The following GREB1L variants were observed in gnomAD, a reference collection of about 807,000 sequenced individuals.
GREB1L encodes the protein GREB1-like protein.
GREB1L carries 17 observed loss-of-function variants against 200.8 expected under a neutral mutation model. The ratio of observed to expected loss-of-function variants is 0.08; its 90% CI spans 0.06 to 0.13. The LOEUF is 0.13. GREB1L is among the 10% of genes least tolerant of loss of function. GREB1L has a pLI of 1.00. For missense variants in GREB1L, 1,657 were observed against 2,367.7 expected (o/e 0.70, Z 6.23); for synonymous variants, 789 against 893.0 (o/e 0.88, Z 2.08).
intron 1 of GREB1L, among the ~76,000 whole-genome samples, chr18:21,336,626 G>A (rs1444917109): frequency 6.6e-6 from 1 of 152,142 alleles, no homozygotes; most frequent in East Asian, 1.9e-4. Context: ...CCCCTTATAT[G>A]GAGTCAGATT....
chr18:21,446,827 C>T (rs1439578038), intron 11 of GREB1L, among the ~76,000 whole-genome samples: 1 of 152,098 alleles, frequency 6.6e-6, no homozygotes, highest in Non-Finnish European at 1.5e-5. Flanking sequence ...AGAAGAAAAG[C>T]AAGATTCTTC....
intron 2 of GREB1L, among the ~76,000 whole-genome samples, chr18:21,376,054 T>C: frequency 6.6e-6 from 1 of 152,186 alleles, no homozygotes; most frequent in Non-Finnish European, 1.5e-5. Context: ...TAAAAAGTCT[T>C]TGAGAGTTAA....
intron 1 of GREB1L, among the ~76,000 whole-genome samples, chr18:21,358,944 C>A (rs1044423411): frequency 1.3e-5 from 2 of 152,210 alleles, no homozygotes; most frequent in Non-Finnish European, 2.9e-5. Flanking sequence ...TTAGTTCTAA[C>A]AATTGTTTGG....
chr18:21,272,745 A>G (rs1186068127), intron 1 of GREB1L, among the ~76,000 whole-genome samples: 1 of 152,228 alleles, frequency 6.6e-6, no homozygotes, highest in Non-Finnish European at 1.5e-5. Context: ...GAGGGTGAAG[A>G]CTATGTACAG....
intron 7 of GREB1L, among the ~76,000 whole-genome samples, chr18:21,408,697 G>A (rs1386267520): frequency 1.3e-5 from 2 of 151,762 alleles, no homozygotes; most frequent in Non-Finnish European, 2.9e-5. Flanking sequence ...GGGAGGCTGA[G>A]GCAGGAGAAT....
rs2036714820 is a variant in GREB1L at position 21,500,031 on chromosome 18, G to A, written c.3694G>A (p.Val1232Met). The change falls in exon 22 of 33, where the codon GTG becomes ATG. Residue 1232 changes from valine (V) to methionine (M), a missense_variant. By Grantham distance (21) the Val-to-Met change is conservative (BLOSUM62 1). This residue lies in a region of GREB1L where 512 missense variants were observed against 668.3 expected (regional missense o/e 0.77). Transcript: ENST00000424526. ...CCCACAGGCAGCCCTGCCACCAGTG[G>A]TGATCCTATCCAAAGCGGCCTACAG... ...RGPQAALPPV[V>M]ILSKAAYSLL... 3.2e-6 allele frequency: 5 copies of A among 1,551,592 alleles called. No individual in the cohort carries two copies. Among genetic ancestry groups the A allele is most frequent in the Non-Finnish European group, 4.4e-6 (5 of 1,146,994 alleles).
intron 15 of GREB1L, among the ~76,000 whole-genome samples, chr18:21,466,192 A>G (rs1189715058): frequency 6.6e-6 from 1 of 152,186 alleles, no homozygotes; most frequent in African/African-American, 2.4e-5. Flanking sequence ...AAAAAGCACA[A>G]TTCTACTACT....
chr18:21,440,312 A>T lies in GREB1L; in HGVS notation c.993A>T (p.Gly331=), dbSNP rs781317472. The change falls in exon 9 of 33, where the codon GGA becomes GGT. Residue 331 remains glycine, a synonymous_variant. Coordinates refer to ENST00000424526, the MANE Select transcript of GREB1L (RefSeq NM_001142966.3). The part of the protein sequence containing the change: ...ISGPPKKRHR[G]WYPGSPLPQP... ...GGCCACCAAAGAAACGACACCGGGGATGGTATCCTGGGTCACCTCTCCCCC... is the reference window on the plus strand; with the variant it reads ...GGCCACCAAAGAAACGACACCGGGGTTGGTATCCTGGGTCACCTCTCCCCC... 3 of 1,551,542 alleles carry T rather than the reference A, an allele frequency of 1.9e-6. No individual in the cohort carries two copies. Among genetic ancestry groups the T allele is most frequent in the African/African-American group, 2.7e-5 (2 of 72,996 alleles).
chr18:21,406,494 G>C (rs1255857642), intron 7 of GREB1L, among the ~76,000 whole-genome samples: 1 of 152,184 alleles, frequency 6.6e-6, no homozygotes, highest in African/African-American at 2.4e-5. Flanking sequence ...TAAAATTTTT[G>C]TGTTAATGAA....
intron 15 of GREB1L, among the ~76,000 whole-genome samples, chr18:21,471,828 C>T (rs2035496878): frequency 6.6e-6 from 1 of 151,998 alleles, no homozygotes; most frequent in Non-Finnish European, 1.5e-5. Context: ...ACTATGTTGC[C>T]CAAGCTGGTC....
intron 1 of GREB1L, among the ~76,000 whole-genome samples, chr18:21,253,567 C>A (rs924183422): frequency 2.0e-4 from 31 of 151,956 alleles, no homozygotes; most frequent in African/African-American, 7.2e-4. Flanking sequence ...AGGATTTTTT[C>A]TCATTTTCAA....
chr18:21,272,690 G>A (rs2038097657), intron 1 of GREB1L, among the ~76,000 whole-genome samples: 1 of 152,150 alleles, frequency 6.6e-6, no homozygotes, highest in Non-Finnish European at 1.5e-5. Context: ...CTACCCCTTA[G>A]CTGTAATAAC....
chr18:21,285,103 AT>A (rs1248344435), intron 1 of GREB1L, among the ~76,000 whole-genome samples: 2 of 152,122 alleles, frequency 1.3e-5, no homozygotes, highest in Non-Finnish European at 2.9e-5. Flanking sequence ...CGGCTTAAAA[AT>A]GTTTTCTTTC....
At chr18:21,426,975 A>AAAAAAAAAAAC (rs2032651509) in intron 7 of GREB1L, among the ~76,000 whole-genome samples, 1 of 77,152 alleles carries the variant, frequency 1.3e-5, no homozygotes, top group African/African-American at 1.2e-4. Context: ...AAAAAAAACA[A>AAAAAAAAAAAC]AAAAAAAAAA....
At chr18:21,446,088 G>A (rs143794477) in intron 11 of GREB1L, among the ~76,000 whole-genome samples, 6 of 152,238 alleles carry the variant, frequency 3.9e-5, no homozygotes, top group East Asian at 3.9e-4. Flanking sequence ...GCAGTGGTGC[G>A]ATCTCGACTC....
At chr18:21,259,136 A>G (rs1452927886) in intron 1 of GREB1L, among the ~76,000 whole-genome samples, 1 of 152,168 alleles carries the variant, frequency 6.6e-6, no homozygotes, top group Non-Finnish European at 1.5e-5. Flanking sequence ...CATATTGCAA[A>G]CAGACACCAT....
At chr18:21,496,737 T>C (rs759185433) in intron 21 of GREB1L, 39 bp downstream of exon 21, 52 of 1,543,564 alleles carry the variant, frequency 3.4e-5, no homozygotes, top group Non-Finnish European at 4.5e-5. Flanking sequence ...GTGAGAGACA[T>C]GAGTCAGGAG....
intron 4 of GREB1L, 71 bp downstream of exon 4, chr18:21,384,474 A>C: frequency 8.1e-7 from 1 of 1,237,494 alleles, no homozygotes; most frequent in East Asian, 2.5e-5. Flanking sequence ...TAATTATTAC[A>C]TGAGGTGCTC....
At chr18:21,336,482 C>A (rs1371236862) in intron 1 of GREB1L, among the ~76,000 whole-genome samples, 2 of 152,078 alleles carry the variant, frequency 1.3e-5, no homozygotes, top group East Asian at 1.9e-4. Context: ...CAAAATAAAT[C>A]CCTTAGCATT....
Sources: gnomAD v4.1 joint callset for allele counts (sites outside exome capture counted in the v4.1 genomes callset) on GRCh38, gnomAD v4.1.1 for gene constraint, gnomAD v4.1.1 regional missense constraint, MANE v1.5 for transcripts, NCBI Gene and HGNC (gene_info 2026-07-23, HGNC 2026-07-21) for gene names.